ERP44: variants seen among roughly 807,000 people sequenced by gnomAD.
ERP44 encodes the protein endoplasmic reticulum resident protein 44.
Under a neutral mutation model 53.4 loss-of-function variants are expected in ERP44, and 25 were observed. That is an observed-to-expected ratio of 0.47 (90% confidence interval 0.34 to 0.65). The LOEUF (loss-of-function observed/expected upper bound fraction) is 0.65, where lower values mean the gene tolerates loss of function less well. Ranked by LOEUF, ERP44 falls within the 30% of genes least tolerant of loss-of-function variation. ERP44 has a pLI of 0.01. For missense variants in ERP44, 338 were observed against 493.2 expected, an observed-to-expected ratio of 0.69 and a Z score of 2.98; for synonymous variants, 145 against 161.2, an observed-to-expected ratio of 0.90 and a Z score of 0.76.
rs546345576 is a variant in ERP44 at position 100,006,923 on chromosome 9, C to G, written c.875-276G>C. Among the ~76,000 whole-genome samples, 10 of 152,266 alleles carry G rather than the reference C, an allele frequency of 6.6e-5. 1 individual carries two copies. In the South Asian group the frequency reaches 2.1e-3, roughly 32 times the overall value. On this transcript the variant is annotated intron_variant, in intron 9 of 11. Transcript: ENST00000262455. ...TTTTTACTTTCCTTAAATGGGCAAT[C>G]ATTTACTTTGCAGATTATCAGGTTC...
intron 5 of ERP44, 38 bp from the exon 6 acceptor site, chr9:100,020,769 A>C (rs1407724516): frequency 9.7e-7 from 1 of 1,032,680 alleles, no homozygotes; most frequent in African/African-American, 1.6e-5. Context: ...GCAAACATAC[A>C]TAGTTTTATA....
chr9:100,028,922 C>T (rs185520473), intron 4 of ERP44, among the ~76,000 whole-genome samples: 1 of 152,276 alleles, frequency 6.6e-6, no homozygotes, highest in East Asian at 1.9e-4. Context: ...AAGGCACACA[C>T]AATAATGACA....
At chr9:100,027,542 T>C (rs1229079879) in intron 4 of ERP44, among the ~76,000 whole-genome samples, 1 of 152,162 alleles carries the variant, frequency 6.6e-6, no homozygotes, top group Non-Finnish European at 1.5e-5. Context: ...GTATAATAAA[T>C]GGGTTTTTAA....
At chr9:100,040,724 T>G (rs1231203956) in intron 4 of ERP44, among the ~76,000 whole-genome samples, 2 of 152,172 alleles carry the variant, frequency 1.3e-5, no homozygotes, top group Admixed American at 1.3e-4. Flanking sequence ...CAAAATATCC[T>G]TGTTTGTAAA....
intron 4 of ERP44, among the ~76,000 whole-genome samples, chr9:100,035,123 A>G (rs557095683): frequency 6.6e-6 from 1 of 152,310 alleles, no homozygotes; most frequent in East Asian, 1.9e-4. Context: ...TAAAAATCCT[A>G]TAAGAAAACC....
intron 4 of ERP44, 135 bp from the exon 5 acceptor site, chr9:100,022,361 A>C: frequency 1.7e-6 from 1 of 603,448 alleles, no homozygotes; most frequent in Non-Finnish European, 2.8e-6. Context: ...AGAGAGAAAA[A>C]AATAATAATA....
At chr9:99,997,841 C>A (rs1368146884) in intron 10 of ERP44, among the ~76,000 whole-genome samples, 2 of 152,042 alleles carry the variant, frequency 1.3e-5, no homozygotes, top group African/African-American at 4.8e-5. Flanking sequence ...AAGGTTGTAA[C>A]AAACAAGAAC....
chr9:100,023,862 G>A (rs1213732311), intron 4 of ERP44, among the ~76,000 whole-genome samples: 1 of 152,114 alleles, frequency 6.6e-6, no homozygotes, highest in Non-Finnish European at 1.5e-5. Context: ...CTTTTTAAAA[G>A]TTACTATTTT....
At chr9:99,998,302 C>G in intron 10 of ERP44, 1 of 451,120 alleles carries the variant, frequency 2.2e-6, no homozygotes, top group East Asian at 4.8e-5. Flanking sequence ...CGCAGTGACT[C>G]ATTCTGCCTC....
chr9:100,066,673 G>A (rs761632056), intron 1 of ERP44, among the ~76,000 whole-genome samples: 20 of 152,188 alleles, frequency 1.3e-4, no homozygotes, highest in Non-Finnish European at 2.2e-4. Context: ...CCAATGCCCT[G>A]AGACCTAGGC....
Position 99,981,430 on chromosome 9 carries a change from G to A in ERP44, c.*1182C>T, listed in dbSNP as rs1464831481. 3 of 152,528 alleles carry A rather than the reference G, an allele frequency of 2.0e-5. No individual in the cohort carries two copies. Among genetic ancestry groups the A allele is most frequent in the African/African-American group, 7.2e-5 (3 of 41,382 alleles). 9.4% of individuals were successfully genotyped at this position (152,528 alleles called of 1,614,324 possible). On this transcript the variant is annotated 3_prime_UTR_variant, in exon 12 of 12. Transcript: ENST00000262455. ...CTTAAAAATAATCTTTTCCCAAACT[G>A]GGATTGATTTATACCCAAGTATAAA...
chr9:100,002,492 T>C (rs998682146), intron 10 of ERP44, among the ~76,000 whole-genome samples: 25 of 152,196 alleles, frequency 1.6e-4, no homozygotes, highest in African/African-American at 6.0e-4. Context: ...GGAAAGTCTT[T>C]AGCTCTCATT....
intron 4 of ERP44, among the ~76,000 whole-genome samples, chr9:100,040,188 T>C (rs140805457): frequency 2.2e-3 from 339 of 152,322 alleles, no homozygotes; most frequent in Middle Eastern, 6.8e-3. Flanking sequence ...AGTATTATCC[T>C]GACACTAAAA....
chr9:100,006,723 A>G (rs773285697), intron 9 of ERP44, 76 bp from the exon 10 acceptor site: 20 of 1,017,938 alleles, frequency 2.0e-5, no homozygotes, highest in Non-Finnish European at 2.7e-5. Flanking sequence ...AAGCTCACAA[A>G]AAGTGACATA....
chr9:100,052,727 A>C (rs139131240), intron 3 of ERP44, among the ~76,000 whole-genome samples, 195 bp from the exon 4 acceptor site: 2,108 of 152,298 alleles, frequency 0.014, 18 homozygotes, highest in Non-Finnish European at 0.022. Context: ...CTGTATACCA[A>C]TTCTAAGAAT....
intron 3 of ERP44, among the ~76,000 whole-genome samples, 180 bp from the exon 4 acceptor site, chr9:100,052,712 A>T (rs1368659490): frequency 6.6e-6 from 1 of 152,216 alleles, no homozygotes; most frequent in Non-Finnish European, 1.5e-5. Context: ...TTTTAAGTTC[A>T]AAGACTGTAT....
chr9:100,070,899 G>C (rs1181207175), intron 1 of ERP44, among the ~76,000 whole-genome samples: 3 of 152,082 alleles, frequency 2.0e-5, no homozygotes, highest in African/African-American at 7.2e-5. Context: ...AAGGAGTCAA[G>C]TATTTGGGAG....
chr9:100,072,861 AG>A (rs1296318941), intron 1 of ERP44, among the ~76,000 whole-genome samples: 1 of 152,212 alleles, frequency 6.6e-6, no homozygotes, highest in Non-Finnish European at 1.5e-5. Context: ...AGAGGTAAGA[AG>A]GGCAATCTTC....
rs563460930 is a variant in ERP44, at chr9:100,087,833, A to G, written c.57+10951T>C. 7.2e-5 allele frequency among the ~76,000 whole-genome samples: 11 copies of G among 152,280 alleles called. No homozygotes were observed. The South Asian group carries it at 2.3e-3, about 32-fold the overall frequency. On this transcript the variant is annotated intron_variant, in intron 1 of 11. Transcript: ENST00000262455. ...ATATACACATTACTATTAAAAATCC[A>G]TACGCATATGCACAGAATAAAACCG... is the stretch of plus-strand genomic sequence containing the variant.
Sources: gnomAD v4.1 joint callset for allele counts (sites outside exome capture counted in the v4.1 genomes callset) on GRCh38, gnomAD v4.1.1 for gene constraint, MANE v1.5 for transcripts, NCBI Gene and HGNC (gene_info 2026-07-23, HGNC 2026-07-21) for gene names.